Variants in THBS4 observed in about 807,000 individuals in gnomAD.
THBS4 encodes the protein thrombospondin-4.
THBS4 carries 90 observed loss-of-function variants against 115.7 expected under a neutral mutation model. That is an observed-to-expected ratio of 0.78 (90% CI 0.66 to 0.93). THBS4 has a LOEUF of 0.93. Among genes scored for constraint, THBS4 ranks in the 40% least tolerant of loss-of-function variants. The probability of loss-of-function intolerance (pLI) is 0.00; values close to 1 mark genes in which losing one functional copy is unlikely to be tolerated. For synonymous variants in THBS4, 460 were observed against 479.3 expected (o/e 0.96, Z 0.53); for missense variants, 1,087 against 1,232.7 (o/e 0.88, Z 1.77).
At chr5:80,063,428 G>A (rs975121147) in intron 8 of THBS4, among the ~76,000 whole-genome samples, 1 of 152,092 alleles carries the variant, frequency 6.6e-6, no homozygotes, top group African/African-American at 2.4e-5. Flanking sequence ...TGTAGATTCT[G>A]GATATTAGCC....
chr5:80,052,265 T>TA (rs1833280343), intron 2 of THBS4: 1 of 152,186 alleles, frequency 6.6e-6, no homozygotes, highest in Non-Finnish European at 1.5e-5. Context: ...TTCTCAACAT[T>TA]AAAAAAATTT....
rs948851346 is a variant in THBS4 at position 80,077,000 on chromosome 5, C to G, written c.2038C>G (p.Pro680Ala). 9.9e-6 allele frequency: 16 copies of G among 1,612,606 alleles called. No homozygotes were observed. The highest frequency in any genetic ancestry group is 1.4e-5 in the Non-Finnish European group (16 of 1,179,350). ...TATCCCAGACCTGGTGCCCCCTGGA[C>G]CAGACAACTGCCGGCTGGTCCCCAA... is the stretch of plus-strand genomic sequence containing the variant. ...DGIPDLVPPG[P>A]DNCRLVPNPA... is the part of the protein sequence containing the mutation. The change falls in exon 16 of 22, where the codon CCA becomes GCA. Residue 680 changes from proline to alanine, a missense_variant. By Grantham distance (27) the Pro-to-Ala change is conservative (BLOSUM62 -1). Transcript: ENST00000350881.
chr5:80,010,044 G>A (rs1832093023), intron 2 of THBS4, among the ~76,000 whole-genome samples: 1 of 152,166 alleles, frequency 6.6e-6, no homozygotes, highest in Admixed American at 6.5e-5. Flanking sequence ...GAAGCAGGAG[G>A]ATTGCTTGAG....
At chr5:80,070,279 G>A in intron 10 of THBS4, 27 bp from the exon 11 acceptor site, 1 of 1,534,392 alleles carries the variant, frequency 6.5e-7, no homozygotes, top group Non-Finnish European at 8.7e-7. Context: ...CAGCTTCCCA[G>A]GCCTCTGATG....
intron 2 of THBS4, among the ~76,000 whole-genome samples, chr5:80,050,583 T>C (rs961075480): frequency 1.3e-5 from 2 of 152,180 alleles, no homozygotes; most frequent in African/African-American, 4.8e-5. Context: ...GGGGAGCAAT[T>C]TGGGGATTGC....
chr5:80,046,509 T>C (rs1479071946), intron 2 of THBS4, among the ~76,000 whole-genome samples: 2 of 152,336 alleles, frequency 1.3e-5, no homozygotes, highest in Admixed American at 1.3e-4. Context: ...CAGAGGGTTA[T>C]ATGATTATTC....
chr5:80,042,559 G>A (rs1360268637), intron 2 of THBS4, among the ~76,000 whole-genome samples: 4 of 152,180 alleles, frequency 2.6e-5, no homozygotes, highest in African/African-American at 9.7e-5. Context: ...TCCCCTGAAC[G>A]GATCCTTTCA....
chr5:79,996,319 T>G (rs1010694913), intron 1 of THBS4, among the ~76,000 whole-genome samples: 4 of 152,230 alleles, frequency 2.6e-5, no homozygotes, highest in Admixed American at 6.5e-5. Flanking sequence ...TCTTTAAATA[T>G]TCATTCAGTT....
intron 2 of THBS4, among the ~76,000 whole-genome samples, chr5:80,005,182 C>G (rs905395085): frequency 6.6e-6 from 1 of 152,176 alleles, no homozygotes; most frequent in South Asian, 2.1e-4. Context: ...GTTCTTAGCT[C>G]CTTTTGTTAA....
In THBS4 at chr5:80,016,624, C is replaced by T. The variant is rs140597951; in HGVS notation, n.177+18197C>T. ...TCATAAATGATGAACAAATAATATACACATATTATTGTATTTAGGATTATA... is the reference window on the plus strand; with the variant it reads ...TCATAAATGATGAACAAATAATATATACATATTATTGTATTTAGGATTATA... On this transcript the variant is annotated intron_variant and non_coding_transcript_variant, in intron 2 of 3. Transcript: ENST00000510218. 5.6e-4 allele frequency among the ~76,000 whole-genome samples: 85 copies of T among 152,192 alleles called. No homozygotes were observed. In the East Asian group the frequency reaches 0.013, roughly 23 times the overall value.
intron 7 of THBS4, among the ~76,000 whole-genome samples, chr5:80,060,987 G>A (rs1174022726): frequency 6.6e-6 from 1 of 152,192 alleles, no homozygotes. Flanking sequence ...ACACTCAGCT[G>A]ATTACCTTCG....
chr5:80,062,533 T>A (rs563966294), intron 8 of THBS4, among the ~76,000 whole-genome samples: 3 of 152,346 alleles, frequency 2.0e-5, no homozygotes, highest in African/African-American at 7.2e-5. Flanking sequence ...GAGGGCATGA[T>A]TTTTTTAAGT....
intron 2 of THBS4, among the ~76,000 whole-genome samples, chr5:80,044,080 T>C (rs1338775111): frequency 6.6e-6 from 1 of 152,202 alleles, no homozygotes; most frequent in Non-Finnish European, 1.5e-5. Context: ...ACCCAAATCC[T>C]ACACATTCAA....
chr5:80,063,629 T>C (rs1833713563), intron 8 of THBS4, among the ~76,000 whole-genome samples: 1 of 152,140 alleles, frequency 6.6e-6, no homozygotes, highest in African/African-American at 2.4e-5. Flanking sequence ...TTTTTTAGAC[T>C]AGAAAAGGGA....
chr5:80,066,835 G>C (rs973637151), intron 9 of THBS4: 3 of 152,118 alleles, frequency 2.0e-5, no homozygotes, highest in Non-Finnish European at 2.9e-5. Flanking sequence ...ACAGTAAATA[G>C]AACTCCAGGA....
chr5:80,043,796 A>C (rs1376094385), intron 2 of THBS4, among the ~76,000 whole-genome samples: 1 of 152,180 alleles, frequency 6.6e-6, no homozygotes, highest in Non-Finnish European at 1.5e-5. Context: ...TCACAAACAT[A>C]ATTTGGATCA....
intron 1 of THBS4, among the ~76,000 whole-genome samples, chr5:80,036,888 T>G (rs1471829754): frequency 6.6e-6 from 1 of 152,216 alleles, no homozygotes; most frequent in Non-Finnish European, 1.5e-5. Context: ...TCAACTTCCC[T>G]GCCTCTCGCT....
chr5:80,045,364 T>C (rs970339321), intron 2 of THBS4, among the ~76,000 whole-genome samples: 1 of 152,036 alleles, frequency 6.6e-6, no homozygotes, highest in Non-Finnish European at 1.5e-5. Context: ...CTCCTTAGCC[T>C]AAGGATAGGA....
intron 2 of THBS4, among the ~76,000 whole-genome samples, chr5:80,042,292 A>G (rs1026851092): frequency 9.2e-5 from 14 of 152,206 alleles, no homozygotes; most frequent in African/African-American, 3.4e-4. Context: ...CTGACAACCC[A>G]GCTACTCAGT....
Sources: gnomAD v4.1 joint callset for allele counts (sites outside exome capture counted in the v4.1 genomes callset) on GRCh38, gnomAD v4.1.1 for gene constraint, MANE v1.5 for transcripts, NCBI Gene and HGNC (gene_info 2026-07-23, HGNC 2026-07-21) for gene names.